Variants in FYB1 observed in about 807,000 individuals in gnomAD.
FYB1 encodes FYN-binding protein 1.
FYB1 carries 41 observed loss-of-function variants against 94.1 expected under a neutral mutation model. The ratio of observed to expected loss-of-function variants is 0.44; its 90% CI spans 0.34 to 0.57. FYB1 has a LOEUF of 0.57. FYB1 is among the 20% of genes least tolerant of loss of function. The pLI is 0.02. For missense variants in FYB1, 1,050 were observed against 976.8 expected (o/e 1.07, Z -1.00); for synonymous variants, 367 against 353.2 (o/e 1.04, Z -0.44).
chr5:39,243,086 A>T (rs1452672995), intron 1 of FYB1, among the ~76,000 whole-genome samples: 5 of 151,800 alleles, frequency 3.3e-5, no homozygotes, highest in Non-Finnish European at 7.4e-5. Flanking sequence ...CCCATTCTGT[A>T]GGTTGCCTGT....
At chr5:39,265,625 C>A (rs1394689621) in intron 1 of FYB1, among the ~76,000 whole-genome samples, 2 of 152,110 alleles carry the variant, frequency 1.3e-5, no homozygotes, top group Non-Finnish European at 2.9e-5. Flanking sequence ...CCATTGCACT[C>A]CAGCCTGGGC....
Position 39,114,992 on chromosome 5 carries a change from AG to A in FYB1, c.2401+3881del, listed in dbSNP as rs34548505. Among the ~76,000 whole-genome samples, 972 of 152,250 alleles carry A rather than the reference AG, an allele frequency of 6.4e-3. 11 individuals are homozygous for A. Among genetic ancestry groups the A allele is most frequent in the Non-Finnish European group, 7.8e-3 (532 of 68,022 alleles). Reference sequence around the variant, plus strand: ...TAATTGTGATGGTGTGGCTAGGAGTAGGTACTGGGGGTGCTTCTAATTTTAG... The same window carrying A: ...TAATTGTGATGGTGTGGCTAGGAGTAGTACTGGGGGTGCTTCTAATTTTAG... On this transcript the variant is annotated intron_variant, in intron 16 of 18. Coordinates refer to ENST00000512982, the MANE Select transcript of FYB1 (RefSeq NM_001465.6).
intron 2 of FYB1, among the ~76,000 whole-genome samples, chr5:39,174,250 G>C (rs1239073160): frequency 6.6e-6 from 1 of 152,122 alleles, no homozygotes; most frequent in Non-Finnish European, 1.5e-5. Context: ...TTCTCTGCTA[G>C]AATGTTGTTG....
In FYB1 at chr5:39,202,901, G is replaced by T. The variant is rs1561260317; in HGVS notation, c.60C>A (p.Pro20=). Residue 20 remains proline (P), a synonymous_variant, in exon 2 of 19, where the codon CCC becomes CCA. Coordinates refer to ENST00000512982, the MANE Select transcript of FYB1 (RefSeq NM_001465.6). ...ATGAGTTTGGCCCTGTGACTCTGAA[G>T]GGTCGGCTATTGACTGAGACATCCT... is the stretch of plus-strand genomic sequence containing the variant. ...PTEDVSVNSR[P]FRVTGPNSSS... is the part of the protein sequence containing the mutation. 6.2e-7 allele frequency: 1 copy of T among 1,613,992 alleles called. No individual in the cohort carries two copies. The highest frequency in any genetic ancestry group is 8.5e-7 in the Non-Finnish European group (1 of 1,179,888).
In FYB1 at chr5:39,135,411, A is replaced by G. The variant is rs546315539; in HGVS notation, c.1516-397T>C. 5.9e-5 allele frequency among the ~76,000 whole-genome samples: 9 copies of G among 152,354 alleles called. No homozygotes were observed. In the South Asian group the frequency reaches 1.9e-3, roughly 32 times the overall value. On this transcript the variant is annotated intron_variant, in intron 7 of 18. Transcript: ENST00000512982. ...GAAGATGGAGTTTTTTCCCCTTTGC[A>G]TTGTTTGTAAAATTGGAGCAGACAT...
Position 39,126,123 on chromosome 5 carries a change from C to G in FYB1, c.1920G>C (p.Gln640His). Residue 640 changes from glutamine to histidine, a missense_variant, in exon 12 of 19, where the codon CAG becomes CAC. Transcript: ENST00000512982. ...ACCACGTATTACTCTTCTCTTGAAC[C>G]TGTAGTGTGGAGCTTTGGAGCATGC... ...EEDADDGSTL[Q>H]VQEKSNTWSW... is the part of the protein sequence containing the mutation. 1 of 1,613,336 alleles carries G rather than the reference C, an allele frequency of 6.2e-7. No homozygotes were observed. Among genetic ancestry groups the G allele is most frequent in the South Asian group, 1.1e-5 (1 of 91,064 alleles).
chr5:39,170,209 G>A, intron 2 of FYB1: 1 of 843,126 alleles, frequency 1.2e-6, no homozygotes, highest in Non-Finnish European at 2.0e-6. Flanking sequence ...AGTATAGTCA[G>A]TATTTTTGCT....
chr5:39,264,850 C>A (rs1253051174), intron 1 of FYB1, among the ~76,000 whole-genome samples: 1 of 152,140 alleles, frequency 6.6e-6, no homozygotes, highest in Non-Finnish European at 1.5e-5. Context: ...AGACCAGACA[C>A]CTCTCTCAAG....
At position 39,201,888 on chromosome 5, in the gene FYB1, G is replaced by T. The variant is rs1342868547; in HGVS notation, c.1073C>A (p.Pro358Gln). 1 of 1,613,986 alleles carries T rather than the reference G, an allele frequency of 6.2e-7. No individual in the cohort carries two copies. Among genetic ancestry groups the T allele is most frequent in the Non-Finnish European group, 8.5e-7 (1 of 1,179,880 alleles). The change falls in exon 2 of 19, where the codon CCA (proline) becomes CAA (glutamine). Residue 358 changes from proline to glutamine, a missense_variant. Pro to Gln is a moderately conservative substitution (Grantham distance 76, BLOSUM62 -1). Transcript: ENST00000512982. ...AACATTTGGTGGTCTGTTGGGTTTT[G>T]GTGGAGGTGGACCCAAGGTAAACAA... ...PPLFTLGPPP[P>Q]KPNRPPNVDL... is the part of the protein sequence containing the mutation.
chr5:39,223,809 G>A (rs891207590), upstream of FYB1, among the ~76,000 whole-genome samples: 2 of 152,092 alleles, frequency 1.3e-5, no homozygotes, highest in Admixed American at 6.5e-5. Flanking sequence ...GATGGAGAAG[G>A]TCAGCTTATT....
intron 1 of FYB1, among the ~76,000 whole-genome samples, chr5:39,250,424 A>G (rs546136014): frequency 3.4e-4 from 52 of 152,342 alleles, no homozygotes; most frequent in African/African-American, 1.2e-3. Context: ...TGCCATCAAC[A>G]TGTTTAACAA....
chr5:39,211,815 G>A (rs576703134), intron 1 of FYB1, among the ~76,000 whole-genome samples: 1 of 152,206 alleles, frequency 6.6e-6, no homozygotes, highest in South Asian at 2.1e-4. Flanking sequence ...ACAGACACAC[G>A]CTCCTGGGTG....
At chr5:39,257,662 A>T (rs1225013648) in intron 1 of FYB1, among the ~76,000 whole-genome samples, 13 of 152,236 alleles carry the variant, frequency 8.5e-5, no homozygotes. Context: ...TCCAGAAGAG[A>T]TCACTTTAAA....
At chr5:39,189,211 A>G (rs1385491614) in intron 2 of FYB1, among the ~76,000 whole-genome samples, 1 of 148,800 alleles carries the variant, frequency 6.7e-6, no homozygotes, top group Non-Finnish European at 1.5e-5. Flanking sequence ...TAGGTCTGGC[A>G]GAAGAACGCC....
At position 39,262,307 on chromosome 5, in the gene FYB1, A is replaced by G. The variant is rs182215899; in HGVS notation, c.-28+12096T>C. On this transcript the variant is annotated intron_variant, in intron 1 of 1. Transcript: ENST00000510188. ...GAAATTCCTCTAAATCAACACGAAA[A>G]AAAAATCTATAAAAAATGGATGAAA... Among the ~76,000 whole-genome samples the G allele has an allele frequency of 4.5e-4, 69 of 152,326 alleles. 1 individual carries two copies. The highest frequency in any genetic ancestry group is 8.1e-4 in the Non-Finnish European group (55 of 68,024).
Position 39,206,966 on chromosome 5 carries a change from A to G in FYB1, c.-27-3979T>C, listed in dbSNP as rs138099723. Among the ~76,000 whole-genome samples the G allele has an allele frequency of 4.6e-5, 7 of 152,202 alleles. No homozygotes were observed. The East Asian group carries it at 1.4e-3, about 29-fold the overall frequency. ...CAACCCTTGGGATTGTTTGGTACCT[A>G]TGTCAATTCCAGTTGTTAGATATTT... On this transcript the variant is annotated intron_variant, in intron 1 of 18. Transcript: ENST00000512982.
At chr5:39,243,241 T>C (rs375500372) in intron 1 of FYB1, among the ~76,000 whole-genome samples, 5 of 151,852 alleles carry the variant, frequency 3.3e-5, no homozygotes, top group African/African-American at 4.8e-5. Context: ...ATGGTATTGC[T>C]TAGGTTTTCT....
intron 1 of FYB1, among the ~76,000 whole-genome samples, chr5:39,204,155 G>A (rs1579668698): frequency 6.6e-6 from 1 of 152,122 alleles, no homozygotes; most frequent in Admixed American, 6.5e-5. Context: ...CAGCTGGAAA[G>A]GTTGCTCCCA....
intron 2 of FYB1, among the ~76,000 whole-genome samples, chr5:39,185,523 A>AT (rs1554034728): frequency 5.8e-4 from 79 of 135,918 alleles, no homozygotes; most frequent in African/African-American, 2.2e-3. Context: ...GACTAAAAAA[A>AT]AAATATATAT....
Sources: allele counts gnomAD v4.1 joint callset (sites outside exome capture counted in the v4.1 genomes callset), GRCh38; gene constraint gnomAD v4.1.1; transcripts MANE v1.5; gene names NCBI Gene and HGNC (gene_info 2026-07-23, HGNC 2026-07-21).